CERS3: variants seen among roughly 807,000 people sequenced by gnomAD.
CERS3 encodes the protein LAG1 homolog, ceramide synthase 3.
In CERS3, 33 loss-of-function variants were observed where a neutral mutation model predicts 50.3. The observed-to-expected ratio is 0.66, with a 90% CI of 0.50 to 0.88. The LOEUF (loss-of-function observed/expected upper bound fraction) is 0.88, where lower values mean the gene tolerates loss of function less well. CERS3 is among the 40% of genes least tolerant of loss of function. CERS3 has a pLI of 0.00. For missense variants in CERS3, 470 were observed against 460.3 expected (o/e 1.02, Z -0.19); for synonymous variants, 176 against 155.2 (o/e 1.13, Z -0.99).
chr15:100,424,872 C>T (rs763764748), intron 11 of CERS3, among the ~76,000 whole-genome samples: 6 of 152,170 alleles, frequency 3.9e-5, no homozygotes, highest in Non-Finnish European at 8.8e-5. Context: ...TAAAGAGGAG[C>T]TAAATGTTAA....
At chr15:100,533,321 G>A (rs192847888), upstream of CERS3, among the ~76,000 whole-genome samples, 39 of 152,222 alleles carry the variant, frequency 2.6e-4, no homozygotes, top group Non-Finnish European at 4.3e-4. Flanking sequence ...ATTTTCGTCT[G>A]CCGTGTTCAG....
At chr15:100,451,601 G>A (rs139432968) in intron 11 of CERS3, among the ~76,000 whole-genome samples, 1 of 152,122 alleles carries the variant, frequency 6.6e-6, no homozygotes, top group Non-Finnish European at 1.5e-5. Context: ...CACCTACTAG[G>A]AAGGCTGAGG....
At chr15:100,475,857 A>G in intron 8 of CERS3, 1 of 255,120 alleles carries the variant, frequency 3.9e-6, no homozygotes, top group Non-Finnish European at 7.5e-6. Flanking sequence ...CTTATTGAAC[A>G]GAGGTGGAGC....
At chr15:100,417,106 G>C (rs12902994) in intron 11 of CERS3, among the ~76,000 whole-genome samples, 1 of 151,418 alleles carries the variant, frequency 6.6e-6, no homozygotes, top group Non-Finnish European at 1.5e-5. Context: ...GAACAGCTCT[G>C]GTCTACAGCT....
At chr15:100,436,838 CT>C (rs990901137) in intron 11 of CERS3, among the ~76,000 whole-genome samples, 3 of 151,926 alleles carry the variant, frequency 2.0e-5, no homozygotes, top group Admixed American at 1.3e-4. Flanking sequence ...AAATTAAGAG[CT>C]GAAAAGACAC....
At chr15:100,485,825 C>A (rs189099348) in intron 4 of CERS3, among the ~76,000 whole-genome samples, 128 of 152,252 alleles carry the variant, frequency 8.4e-4, no homozygotes, top group African/African-American at 2.9e-3. Flanking sequence ...GATTGTGACA[C>A]TGTACTCCAG....
chr15:100,508,430 T>C (rs1439285815), intron 2 of CERS3, among the ~76,000 whole-genome samples: 1 of 152,200 alleles, frequency 6.6e-6, no homozygotes, highest in African/African-American at 2.4e-5. Flanking sequence ...AATACTTTTG[T>C]GCTGGGTTAA....
chr15:100,510,757 G>T (rs1018706114), intron 2 of CERS3, among the ~76,000 whole-genome samples: 8 of 152,176 alleles, frequency 5.3e-5, no homozygotes, highest in African/African-American at 1.9e-4. Flanking sequence ...GACAGGACAG[G>T]AGCGATTTTT....
intron 11 of CERS3, among the ~76,000 whole-genome samples, chr15:100,428,823 T>C (rs2032968084): frequency 6.6e-6 from 1 of 152,232 alleles, no homozygotes; most frequent in South Asian, 2.1e-4. Context: ...CTATGATATT[T>C]AAATAGAGGA....
At chr15:100,539,862 T>C (rs2037157957) in intron 1 of CERS3, among the ~76,000 whole-genome samples, 2 of 152,122 alleles carry the variant, frequency 1.3e-5, no homozygotes, top group South Asian at 4.1e-4. Flanking sequence ...TGGCCATCAG[T>C]GAGACTGAAA....
chr15:100,527,369 T>G (rs1267117902), intron 1 of CERS3, among the ~76,000 whole-genome samples: 1 of 152,238 alleles, frequency 6.6e-6, no homozygotes, highest in African/African-American at 2.4e-5. Flanking sequence ...AATTTGAATT[T>G]TGATCTGTCT....
intron 11 of CERS3, among the ~76,000 whole-genome samples, chr15:100,416,067 G>C (rs542569582): frequency 1.3e-5 from 2 of 152,206 alleles, no homozygotes; most frequent in Non-Finnish European, 2.9e-5. Context: ...ACTACCCAAA[G>C]CAACTTATAG....
intron 4 of CERS3, among the ~76,000 whole-genome samples, chr15:100,487,144 T>C (rs1176437164): frequency 6.6e-6 from 1 of 152,236 alleles, no homozygotes; most frequent in African/African-American, 2.4e-5. Flanking sequence ...TTATTGACCA[T>C]CTGTAATGAC....
At chr15:100,494,592 G>T (rs1056229290) in intron 3 of CERS3, among the ~76,000 whole-genome samples, 1 of 152,068 alleles carries the variant, frequency 6.6e-6, no homozygotes, top group South Asian at 2.1e-4. Flanking sequence ...GAGCACTGAA[G>T]GCTTTATTAG....
chr15:100,527,955 T>C (rs1596817457), intron 1 of CERS3, among the ~76,000 whole-genome samples: 2 of 152,116 alleles, frequency 1.3e-5, no homozygotes, highest in East Asian at 3.8e-4. Flanking sequence ...AAAAGGCTTG[T>C]AGGGGGGAAG....
chr15:100,471,890 C>T (rs911414157), intron 9 of CERS3, among the ~76,000 whole-genome samples: 9 of 152,138 alleles, frequency 5.9e-5, no homozygotes, highest in African/African-American at 1.2e-4. Flanking sequence ...ATTACAGTCC[C>T]CCCATGGGCT....
intron 11 of CERS3, among the ~76,000 whole-genome samples, chr15:100,439,772 T>C (rs564940215): frequency 1.6e-4 from 24 of 152,286 alleles, no homozygotes; most frequent in African/African-American, 5.5e-4. Context: ...GCCACTGCTG[T>C]GGAAAACAGA....
At chr15:100,418,449 G>A (rs1425921488) in intron 11 of CERS3, among the ~76,000 whole-genome samples, 3 of 149,610 alleles carry the variant, frequency 2.0e-5, no homozygotes, top group South Asian at 2.1e-4. Context: ...CCAAATCTAC[G>A]TCTGATTGGT....
chr15:100,420,441 T>C (rs1328154939), intron 11 of CERS3, among the ~76,000 whole-genome samples: 1 of 152,176 alleles, frequency 6.6e-6, no homozygotes, highest in African/African-American at 2.4e-5. Flanking sequence ...CAATAATCAA[T>C]AGCTTACCAA....
Sources: gnomAD v4.1 joint callset for allele counts (sites outside exome capture counted in the v4.1 genomes callset) on GRCh38, gnomAD v4.1.1 for gene constraint, MANE v1.5 for transcripts, NCBI Gene and HGNC (gene_info 2026-07-23, HGNC 2026-07-21) for gene names.